The following PTH2R variants were observed in gnomAD, a reference collection of about 807,000 sequenced individuals.
PTH2R encodes parathyroid hormone 2 receptor, also known as PTH2 receptor.
Under a neutral mutation model 60.3 loss-of-function variants are expected in PTH2R, and 59 were observed. The ratio of observed to expected loss-of-function variants is 0.98; its 90% CI spans 0.79 to 1.22. The LOEUF is 1.22. Among genes scored for constraint, PTH2R ranks in the 50% most tolerant of loss-of-function variants. PTH2R has a pLI of 0.00. For missense variants in PTH2R, 749 were observed against 682.6 expected, an observed-to-expected ratio of 1.10 and a Z score of -1.08; for synonymous variants, 256 against 243.8, an observed-to-expected ratio of 1.05 and a Z score of -0.47.
intron 2 of PTH2R, among the ~76,000 whole-genome samples, chr2:208,432,600 C>T (rs1226284254): frequency 6.6e-6 from 1 of 152,116 alleles, no homozygotes; most frequent in East Asian, 1.9e-4. Flanking sequence ...AGGGTGAAGT[C>T]CCATGATAGG....
At chr2:208,479,959 A>G (rs1319504207) in intron 9 of PTH2R, among the ~76,000 whole-genome samples, 2 of 152,332 alleles carry the variant, frequency 1.3e-5, no homozygotes, top group African/African-American at 4.8e-5. Flanking sequence ...TCCTTTCATC[A>G]GCTCACAGCA....
At chr2:208,472,006 G>A (rs1702892639) in intron 9 of PTH2R, among the ~76,000 whole-genome samples, 1 of 152,206 alleles carries the variant, frequency 6.6e-6, no homozygotes, top group Non-Finnish European at 1.5e-5. Context: ...ACTTGCATGG[G>A]CCCTGTAGCC....
chr2:208,437,767 T>G lies in PTH2R; in HGVS notation c.297T>G (p.Ala99=). 2 of 1,612,476 alleles carry G rather than the reference T, an allele frequency of 1.2e-6. No individual in the cohort carries two copies. Among genetic ancestry groups the G allele is most frequent in the Non-Finnish European group, 1.7e-6 (2 of 1,178,540 alleles). The change falls in exon 4 of 13, where the codon GCT becomes GCG. Residue 99 remains alanine (A), a synonymous_variant. Coordinates refer to ENST00000272847, the MANE Select transcript of PTH2R (RefSeq NM_005048.4). The part of the protein sequence containing the change: ...YIYDFNHKGV[A]FRHCNPNGTW... ...TCTTTCATGTCTTTACAGGAGTTGC[T>G]TTCCGACACTGTAACCCCAATGGAA...
chr2:208,386,480 T>A (rs1377789583), intron 1 of PTH2R, among the ~76,000 whole-genome samples: 1 of 152,182 alleles, frequency 6.6e-6, no homozygotes, highest in Non-Finnish European at 1.5e-5. Context: ...CCTGGCACAC[T>A]GCAATCAGTC....
chr2:208,459,343 G>A (rs1447655396), intron 8 of PTH2R, among the ~76,000 whole-genome samples: 1 of 152,036 alleles, frequency 6.6e-6, no homozygotes, highest in Non-Finnish European at 1.5e-5. Context: ...ATATTTACAG[G>A]ATACTAATCA....
At chr2:208,407,337 C>G (rs574038638) in intron 1 of PTH2R, among the ~76,000 whole-genome samples, 1 of 152,286 alleles carries the variant, frequency 6.6e-6, no homozygotes, top group Non-Finnish European at 1.5e-5. Context: ...GGGGCCGGCA[C>G]TGTTTAGACC....
At chr2:208,365,948 ATATATATATATATTTTTTTTTTTT>A (rs1700576569) in intron 1 of PTH2R, among the ~76,000 whole-genome samples, 1 of 15,498 alleles carries the variant, frequency 6.5e-5, no homozygotes, top group African/African-American at 2.0e-4. Flanking sequence ...ATATATATAT[ATATATATATATATTTTTTTTTTTT>A]TTTTTTTTTT....
chr2:208,387,019 AT>A (rs1214963770), intron 1 of PTH2R, among the ~76,000 whole-genome samples: 9 of 152,152 alleles, frequency 5.9e-5, no homozygotes, highest in African/African-American at 2.2e-4. Context: ...ATTTTAATCT[AT>A]TTTTATCTTT....
intron 9 of PTH2R, among the ~76,000 whole-genome samples, chr2:208,465,710 T>G (rs567320130): frequency 6.6e-6 from 1 of 152,190 alleles, no homozygotes; most frequent in Admixed American, 6.5e-5. Context: ...CAACTCCTTT[T>G]TTTTTAAAAA....
intron 1 of PTH2R, among the ~76,000 whole-genome samples, chr2:208,383,189 T>C (rs548976787): frequency 5.3e-5 from 8 of 152,364 alleles, no homozygotes; most frequent in African/African-American, 1.9e-4. Flanking sequence ...TGCTAAATAT[T>C]TTTCTTTCTT....
chr2:208,479,848 G>A (rs916885272), intron 9 of PTH2R, among the ~76,000 whole-genome samples: 1 of 152,138 alleles, frequency 6.6e-6, no homozygotes, highest in Non-Finnish European at 1.5e-5. Context: ...CATAACAAAT[G>A]GATGTAAAAA....
chr2:208,451,249 C>T (rs3754817), intron 8 of PTH2R, among the ~76,000 whole-genome samples: 30,325 of 151,914 alleles, frequency 0.2, 3,230 homozygotes, highest in South Asian at 0.26. Flanking sequence ...TAAGGTAGCA[C>T]GAAGGGGAAC....
intron 7 of PTH2R, among the ~76,000 whole-genome samples, chr2:208,449,454 A>AATAGATAGATAGATAG (rs34534103): frequency 2.7e-4 from 41 of 150,424 alleles, no homozygotes; most frequent in African/African-American, 1.0e-3. Flanking sequence ...TAGATAGATA[A>AATAGATAGATAGATAG]ATAGATAGAT....
intron 1 of PTH2R, among the ~76,000 whole-genome samples, chr2:208,417,541 CTTTTTTTTTTTTTTTTT>C (rs56354728): frequency 2.6e-4 from 23 of 87,916 alleles, no homozygotes; most frequent in African/African-American, 6.4e-4. Flanking sequence ...AGGTGGGAAT[CTTTTTTTTTTTTTTTTT>C]TTTTTTTTTT....
intron 1 of PTH2R, among the ~76,000 whole-genome samples, chr2:208,371,498 AG>A (rs1222545875): frequency 6.6e-6 from 1 of 152,148 alleles, no homozygotes; most frequent in African/African-American, 2.4e-5. Context: ...GTGCTCCCTC[AG>A]GCATGGAGAA....
intron 1 of PTH2R, among the ~76,000 whole-genome samples, chr2:208,400,160 T>C (rs1701281493): frequency 6.6e-6 from 1 of 152,232 alleles, no homozygotes; most frequent in Non-Finnish European, 1.5e-5. Flanking sequence ...TATACCTTAC[T>C]AAAATATTAT....
chr2:208,452,297 T>C (rs1268964220), intron 8 of PTH2R, among the ~76,000 whole-genome samples: 1 of 152,206 alleles, frequency 6.6e-6, no homozygotes, highest in African/African-American at 2.4e-5. Flanking sequence ...AATGAGATAA[T>C]GTATGTAAAA....
chr2:208,470,819 C>T (rs931667088), intron 9 of PTH2R, among the ~76,000 whole-genome samples: 1 of 152,066 alleles, frequency 6.6e-6, no homozygotes, highest in African/African-American at 2.4e-5. Context: ...GGTTCACAGA[C>T]AGGAAAATGT....
intron 6 of PTH2R, among the ~76,000 whole-genome samples, chr2:208,444,056 G>A (rs146309730): frequency 6.6e-6 from 1 of 152,288 alleles, no homozygotes; most frequent in East Asian, 1.9e-4. Context: ...AGGTATAGTA[G>A]ATTGATTGTC....
Sources: gnomAD v4.1 joint callset for allele counts (sites outside exome capture counted in the v4.1 genomes callset) on GRCh38, gnomAD v4.1.1 for gene constraint, MANE v1.5 for transcripts, NCBI Gene and HGNC (gene_info 2026-07-23, HGNC 2026-07-21) for gene names.